The following DNAJA1 variants were observed in gnomAD, a reference collection of about 807,000 sequenced individuals.
DNAJA1 encodes the protein DnaJ heat shock protein family (Hsp40) member A1.
A neutral mutation model predicts 47.6 loss-of-function variants in DNAJA1; 26 were observed. That is an observed-to-expected ratio of 0.55 (90% confidence interval 0.40 to 0.76). The LOEUF (loss-of-function observed/expected upper bound fraction) is 0.76. Among genes scored for constraint, DNAJA1 ranks in the 30% least tolerant of loss-of-function variants. The pLI is 0.00. For synonymous variants in DNAJA1, 165 were observed against 158.4 expected, an observed-to-expected ratio of 1.04 and a Z score of -0.31; for missense variants, 315 against 485.0, an observed-to-expected ratio of 0.65 and a Z score of 3.29.
intron 5 of DNAJA1, among the ~76,000 whole-genome samples, chr9:33,033,372 C>A (rs1214013701): frequency 6.6e-6 from 1 of 151,976 alleles, no homozygotes; most frequent in Admixed American, 6.6e-5. Flanking sequence ...AGTATAATTA[C>A]CCTTTTTTTA....
At chr9:33,034,193 C>A in intron 5 of DNAJA1, 23 bp from the exon 6 acceptor site, 1 of 1,507,372 alleles carries the variant, frequency 6.6e-7, no homozygotes, top group Non-Finnish European at 9.0e-7. Flanking sequence ...AATAAAAGTA[C>A]AAAATTAATG....
intron 5 of DNAJA1, among the ~76,000 whole-genome samples, chr9:33,033,650 A>G (rs1838994423): frequency 6.6e-6 from 1 of 152,216 alleles, no homozygotes; most frequent in South Asian, 2.1e-4. Context: ...TGTTTGTGCC[A>G]CTGCACTCCA....
At chr9:33,029,809 A>G in intron 3 of DNAJA1, 76 bp from the exon 4 acceptor site, 1 of 1,221,404 alleles carries the variant, frequency 8.2e-7, no homozygotes, top group Non-Finnish European at 1.2e-6. Flanking sequence ...TCTTTGCCAC[A>G]TTCTTTATAG....
At position 33,039,772 on chromosome 9, in the gene DNAJA1, A is replaced by G. The variant is rs1361729687; in HGVS notation, c.*869A>G. 2 of 152,056 alleles carry G rather than the reference A, an allele frequency of 1.3e-5. No individual in the cohort carries two copies. Among genetic ancestry groups the G allele is most frequent in the Non-Finnish European group, 2.9e-5 (2 of 68,004 alleles). The allele number at this position is 152,056 out of a possible 1,614,324, so 9.4% of individuals were successfully genotyped here. Reference sequence around the variant, plus strand: ...CGCTCCAAAGTTATGTTGGTAGTATAGCAAATTATGATGAATAGCTTTAAT... The same window carrying G: ...CGCTCCAAAGTTATGTTGGTAGTATGGCAAATTATGATGAATAGCTTTAAT... On this transcript the variant is annotated 3_prime_UTR_variant, in exon 9 of 9. Transcript: ENST00000330899.
intron 3 of DNAJA1, among the ~76,000 whole-genome samples, chr9:33,028,540 T>C (rs1256104898): frequency 6.6e-6 from 1 of 152,202 alleles, no homozygotes; most frequent in African/African-American, 2.4e-5. Flanking sequence ...AAGGAAAGGA[T>C]TATGTTTTTA....
chr9:33,027,043 G>A, intron 3 of DNAJA1, 53 bp downstream of exon 3: 1 of 1,597,570 alleles, frequency 6.3e-7, no homozygotes. Context: ...GTTGGTCAGA[G>A]CAGATCTTTG....
chr9:33,028,347 T>C (rs1440127785), intron 3 of DNAJA1, among the ~76,000 whole-genome samples: 1 of 152,210 alleles, frequency 6.6e-6, no homozygotes, highest in African/African-American at 2.4e-5. Context: ...ATACTGCTTA[T>C]AGGAGTAAAA....
At chr9:33,037,565 C>T (rs996595613) in intron 8 of DNAJA1, among the ~76,000 whole-genome samples, 6 of 152,062 alleles carry the variant, frequency 3.9e-5, no homozygotes, top group African/African-American at 1.2e-4. Flanking sequence ...ACCTGTAGTC[C>T]CAGCTACTCG....
At chr9:33,030,198 A>C (rs977427789) in intron 4 of DNAJA1, among the ~76,000 whole-genome samples, 2 of 152,142 alleles carry the variant, frequency 1.3e-5, no homozygotes, top group African/African-American at 4.8e-5. Context: ...GTATATTTTA[A>C]ATACAGTTGG....
At position 33,034,442 on chromosome 9, in the gene DNAJA1, T is replaced by C. The variant is rs145189723; in HGVS notation, c.758+112T>C. 7,289 of 744,162 alleles carry C rather than the reference T, an allele frequency of 9.8e-3. 40 individuals are homozygous for C. Among genetic ancestry groups the C allele is most frequent in the Non-Finnish European group, 0.014 (6,287 of 452,758 alleles). 46.1% of individuals were successfully genotyped at this position (744,162 alleles called of 1,614,324 possible). On this transcript the variant is annotated intron_variant, in intron 6 of 8. Transcript: ENST00000330899. The stretch of plus-strand genomic sequence containing the variant: ...TTTTCCATTACTCTTAGAACCTATT[T>C]CTCAGGAAGATTGTTAACCATTGTT...
At chr9:33,032,711 G>A (rs764315487) in intron 5 of DNAJA1, among the ~76,000 whole-genome samples, 3 of 152,146 alleles carry the variant, frequency 2.0e-5, no homozygotes, top group Admixed American at 6.6e-5. Flanking sequence ...CTCAATACAC[G>A]ATTAAAGACA....
intron 6 of DNAJA1, 43 bp from the exon 7 acceptor site, chr9:33,036,531 T>C (rs770184131): frequency 9.5e-6 from 13 of 1,371,226 alleles, no homozygotes; most frequent in Admixed American, 4.0e-5. Flanking sequence ...CATCTACTGA[T>C]TCGTGATTTG....
At position 33,038,838 on chromosome 9, in the gene DNAJA1, A is replaced by C. The variant is rs368226813; in HGVS notation, c.1129A>C (p.Asn377His). ...AAATCAGGAAAGACGGCGCCACTAC[A>C]ATGGAGAAGCATATGAGGATGATGA... ...DPNQERRRHY[N>H]GEAYEDDEHH... The change falls in exon 9 of 9, where the codon AAT becomes CAT. Residue 377 changes from asparagine (N) to histidine (H), a missense_variant. Asn to His is a moderately conservative substitution (Grantham distance 68). Transcript: ENST00000330899. The C allele has an allele frequency of 1.2e-6, 2 of 1,613,948 alleles. No homozygotes were observed. The highest frequency in any genetic ancestry group is 1.7e-6 in the Non-Finnish European group (2 of 1,180,028).
At chr9:33,034,478 G>GA (rs1839005981) in intron 6 of DNAJA1, 148 bp downstream of exon 6, 1 of 629,512 alleles carries the variant, frequency 1.6e-6, no homozygotes, top group Non-Finnish European at 2.7e-6. Context: ...CAGATCATAA[G>GA]AGGTTGAATA....
intron 5 of DNAJA1, among the ~76,000 whole-genome samples, chr9:33,032,226 C>CT (rs1338388993): frequency 1.3e-5 from 2 of 152,256 alleles, no homozygotes; most frequent in African/African-American, 4.8e-5. Context: ...ACTGGCCTCT[C>CT]TGACCCCCAG....
intron 3 of DNAJA1, among the ~76,000 whole-genome samples, chr9:33,028,835 T>G (rs1050943628): frequency 3.3e-5 from 5 of 152,160 alleles, no homozygotes; most frequent in Non-Finnish European, 5.9e-5. Context: ...AAACTAAAGG[T>G]GGAACTATAA....
intron 8 of DNAJA1, 81 bp from the exon 9 acceptor site, chr9:33,038,604 T>A (rs1356057531): frequency 1.5e-6 from 2 of 1,342,808 alleles, no homozygotes; most frequent in Non-Finnish European, 2.0e-6. Flanking sequence ...TTACATGTGT[T>A]TTTCTGGGGA....
intron 5 of DNAJA1, among the ~76,000 whole-genome samples, chr9:33,032,636 T>C (rs574691215): frequency 6.6e-6 from 1 of 152,348 alleles, no homozygotes; most frequent in East Asian, 1.9e-4. Flanking sequence ...GTGCCTACTC[T>C]TACTCTGTAT....
At chr9:33,031,584 A>G (rs1838962755) in intron 5 of DNAJA1, among the ~76,000 whole-genome samples, 1 of 151,716 alleles carries the variant, frequency 6.6e-6, no homozygotes, top group Admixed American at 6.6e-5. Flanking sequence ...GGTGTGCACC[A>G]CCACACCTGG....
Sources: allele counts gnomAD v4.1 joint callset (sites outside exome capture counted in the v4.1 genomes callset), GRCh38; gene constraint gnomAD v4.1.1; transcripts MANE v1.5; gene names NCBI Gene and HGNC (gene_info 2026-07-23, HGNC 2026-07-21).